KATNAL2: variants seen among roughly 807,000 people sequenced by gnomAD.
The protein encoded by KATNAL2 is katanin p60 ATPase-containing subunit A-like 2.
In KATNAL2, 52 loss-of-function variants were observed where a neutral mutation model predicts 76.3. That is an observed-to-expected ratio of 0.68 (90% CI 0.55 to 0.86). The LOEUF is 0.86. Among genes scored for constraint, KATNAL2 ranks in the 40% least tolerant of loss-of-function variants. The pLI is 0.00. For synonymous variants in KATNAL2, 243 were observed against 244.2 expected (o/e 1.00, Z 0.05); for missense variants, 660 against 668.9 (o/e 0.99, Z 0.15).
At position 47,075,318 on chromosome 18, in the gene KATNAL2, C is replaced by T; in HGVS notation, c.1050C>T (p.Ile350=). ...CCCGCTACCACGCCCCATCCACGAT[C>T]TTCCTGGACGAGCTGGAGTCGGTGA... ...ELARYHAPST[I]FLDELESVMS... The change falls in exon 14 of 18, where the codon ATC becomes ATT. Residue 350 remains isoleucine, a synonymous_variant. Coordinates refer to ENST00000683218, the MANE Select transcript of KATNAL2 (RefSeq NM_001387690.1). 6.4e-7 allele frequency: 1 copy of T among 1,562,104 alleles called. No homozygotes were observed. The highest frequency in any genetic ancestry group is 1.4e-5 in the African/African-American group (1 of 71,566).
rs551772886 is a variant in KATNAL2, at chr18:46,922,888, TATC to T, written c.-510+4965_-510+4967del. Reference sequence around the variant, plus strand: ...ATAAGATTTATAATTTAATATATAATATCATATTAATATAATATATATTTAATA... The same window carrying T: ...ATAAGATTTATAATTTAATATATAATATATTAATATAATATATATTTAATA... On this transcript the variant is annotated intron_variant, in intron 1 of 17. Transcript: ENST00000683218. 5.0e-3 allele frequency among the ~76,000 whole-genome samples: 736 copies of T among 148,246 alleles called. 7 individuals are homozygous for T. The highest frequency in any genetic ancestry group is 0.016 in the African/African-American group (653 of 40,912).
chr18:47,092,612 T>C (rs901028341), intron 15 of KATNAL2, among the ~76,000 whole-genome samples: 3 of 152,228 alleles, frequency 2.0e-5, no homozygotes, highest in African/African-American at 7.2e-5. Context: ...TCTTGATACA[T>C]TGAGACATTC....
At chr18:47,075,893 T>G (rs1344594077) in intron 14 of KATNAL2, among the ~76,000 whole-genome samples, 1 of 152,262 alleles carries the variant, frequency 6.6e-6, no homozygotes. Context: ...ATATTATCTC[T>G]AAAGATTGTC....
chr18:46,919,232 ATTCCAGC>A (rs1308747705), intron 1 of KATNAL2, among the ~76,000 whole-genome samples: 2 of 151,950 alleles, frequency 1.3e-5, no homozygotes, highest in African/African-American at 4.8e-5. Flanking sequence ...CACGCTCTAA[ATTCCAGC>A]ACTTTGGGAG....
intron 15 of KATNAL2, among the ~76,000 whole-genome samples, chr18:47,080,167 C>G (rs961202972): frequency 2.0e-5 from 3 of 152,050 alleles, no homozygotes; most frequent in African/African-American, 4.8e-5. Flanking sequence ...ATTTTTTTCT[C>G]TTTGATTTTT....
intron 13 of KATNAL2, among the ~76,000 whole-genome samples, chr18:47,073,544 C>T (rs1362647279): frequency 1.3e-5 from 2 of 152,126 alleles, no homozygotes; most frequent in Non-Finnish European, 2.9e-5. Context: ...GAAAGCAAAC[C>T]CTTCAGGACC....
At position 47,077,383 on chromosome 18, in the gene KATNAL2, C is replaced by T. The variant is rs1377042595; in HGVS notation, c.1133C>T (p.Thr378Ile). ...CATGAAGGAAGCCTGCGGATGAAGA[C>T]AGAGTTACTGGTGCAGATGGATGGG... ...GEHEGSLRMK[T>I]ELLVQMDGLA... Residue 378 changes from threonine (T) to isoleucine (I), a missense_variant, in exon 15 of 18, where the codon ACA becomes ATA. Transcript: ENST00000683218. The T allele has an allele frequency of 3.1e-6, 5 of 1,613,856 alleles. No individual in the cohort carries two copies. The highest frequency in any genetic ancestry group is 4.2e-6 in the Non-Finnish European group (5 of 1,179,808).
In KATNAL2 at chr18:46,925,115, G is replaced by C. The variant is rs1385766423; in HGVS notation, c.-510+7189G>C. ...ATTGCCCTGGCCAGAACTTCCAACA[G>C]TACGTTGAATGGGAGTGGTGAGAGA... On this transcript the variant is annotated intron_variant, in intron 1 of 17. Transcript: ENST00000683218. Among the ~76,000 whole-genome samples, 9 of 152,096 alleles carry C rather than the reference G, an allele frequency of 5.9e-5. No individual in the cohort carries two copies. The East Asian group carries it at 1.7e-3, about 29-fold the overall frequency.
chr18:47,059,431 A>G (rs569414958), intron 7 of KATNAL2, 125 bp from the exon 8 acceptor site: 5 of 702,324 alleles, frequency 7.1e-6, no homozygotes, highest in Non-Finnish European at 1.3e-5. Flanking sequence ...GCTAAGCTAC[A>G]TGTGCATGTC....
At chr18:47,031,456 G>T (rs1365319674) in intron 3 of KATNAL2, among the ~76,000 whole-genome samples, 3 of 152,138 alleles carry the variant, frequency 2.0e-5, no homozygotes, top group Non-Finnish European at 4.4e-5. Flanking sequence ...GGCGGGGTGT[G>T]TTTCTTCTGC....
chr18:47,062,763 T>A (rs1238208150), intron 8 of KATNAL2, among the ~76,000 whole-genome samples: 1 of 152,238 alleles, frequency 6.6e-6, no homozygotes, highest in Non-Finnish European at 1.5e-5. Flanking sequence ...TCCACTTCAT[T>A]CTGGAAAATG....
intron 1 of KATNAL2, among the ~76,000 whole-genome samples, chr18:46,920,383 C>T (rs2058468745): frequency 6.6e-6 from 1 of 152,112 alleles, no homozygotes; most frequent in African/African-American, 2.4e-5. Context: ...GTGGAACACT[C>T]GCCATTTTGC....
chr18:46,943,650 A>T (rs1222331994), intron 1 of KATNAL2, among the ~76,000 whole-genome samples: 1 of 152,248 alleles, frequency 6.6e-6, no homozygotes, highest in Non-Finnish European at 1.5e-5. Flanking sequence ...ACCAGCAGCC[A>T]TCAGGGCTGC....
chr18:47,031,558 A>G (rs1304881503), intron 3 of KATNAL2, among the ~76,000 whole-genome samples: 1 of 152,086 alleles, frequency 6.6e-6, no homozygotes, highest in Non-Finnish European at 1.5e-5. Context: ...TTTGTAGAAA[A>G]ATAGGTAAAT....
At chr18:46,925,220 C>G (rs373702445) in intron 1 of KATNAL2, among the ~76,000 whole-genome samples, 2 of 152,076 alleles carry the variant, frequency 1.3e-5, no homozygotes, top group East Asian at 1.9e-4. Context: ...CTGTGGGTTT[C>G]TCATAGATAG....
At chr18:46,938,467 C>T (rs1196704104) in intron 1 of KATNAL2, among the ~76,000 whole-genome samples, 2 of 152,258 alleles carry the variant, frequency 1.3e-5, no homozygotes, top group South Asian at 4.1e-4. Flanking sequence ...TTTGATAGAT[C>T]TGGAAGGTGA....
intron 1 of KATNAL2, among the ~76,000 whole-genome samples, chr18:46,922,137 G>T (rs1256399579): frequency 3.7e-5 from 5 of 136,894 alleles, no homozygotes; most frequent in African/African-American, 5.5e-5. Flanking sequence ...GTCTCACTCT[G>T]TCGCCCAGGC....
chr18:47,035,325 G>T (rs547625855), intron 3 of KATNAL2: 1 of 1,607,606 alleles, frequency 6.2e-7, no homozygotes, highest in African/African-American at 1.3e-5. Context: ...TTGGGGCTGC[G>T]GGACAGGAAG....
chr18:46,921,530 T>C (rs1599280088), intron 1 of KATNAL2, among the ~76,000 whole-genome samples: 4 of 152,226 alleles, frequency 2.6e-5, no homozygotes, highest in Middle Eastern at 3.4e-3. Context: ...ATTTTTCTAA[T>C]CTGGAAAAGA....
Sources: allele counts gnomAD v4.1 joint callset (sites outside exome capture counted in the v4.1 genomes callset), GRCh38; gene constraint gnomAD v4.1.1; transcripts MANE v1.5; gene names NCBI Gene and HGNC (gene_info 2026-07-23, HGNC 2026-07-21).